Variants in MMP16 observed in about 807,000 individuals in gnomAD.
MMP16 encodes matrix metallopeptidase 16.
In MMP16, 12 loss-of-function variants were observed where a neutral mutation model predicts 67.8. The ratio of observed to expected loss-of-function variants is 0.18; its 90% confidence interval spans 0.11 to 0.29. The LOEUF is 0.29. MMP16 is among the 10% of genes least tolerant of loss of function. The probability of loss-of-function intolerance (pLI) is 1.00; values close to 1 mark genes in which losing one functional copy is unlikely to be tolerated. For missense variants in MMP16, 475 were observed against 765.7 expected, an observed-to-expected ratio of 0.62 and a Z score of 4.48; for synonymous variants, 249 against 255.9, an observed-to-expected ratio of 0.97 and a Z score of 0.26.
chr8:88,248,732 T>C (rs1810159326), intron 1 of MMP16, among the ~76,000 whole-genome samples: 1 of 151,496 alleles, frequency 6.6e-6, no homozygotes, highest in Non-Finnish European at 1.5e-5. Context: ...AAAAAGGAGT[T>C]GTCCTCTAGG....
At chr8:88,213,028 G>A (rs566830940) in intron 1 of MMP16, among the ~76,000 whole-genome samples, 4 of 152,072 alleles carry the variant, frequency 2.6e-5, no homozygotes, top group Non-Finnish European at 5.9e-5. Flanking sequence ...AAATTGAGAG[G>A]CAAAGTTTGG....
At chr8:88,159,258 G>A (rs1436013687) in intron 4 of MMP16, among the ~76,000 whole-genome samples, 1 of 152,170 alleles carries the variant, frequency 6.6e-6, no homozygotes, top group Non-Finnish European at 1.5e-5. Flanking sequence ...ACCTTGGGCA[G>A]TATGGCCATT....
At chr8:88,236,750 A>ATCCCTTTCAAGATTTCTCATGCT (rs1809947320) in intron 1 of MMP16, among the ~76,000 whole-genome samples, 1 of 136,738 alleles carries the variant, frequency 7.3e-6, no homozygotes, top group Non-Finnish European at 1.5e-5. Flanking sequence ...TCTGAAAAAT[A>ATCCCTTTCAAGATTTCTCATGCT]ACAACAACAA....
chr8:88,085,321 A>G (rs1323654139), intron 6 of MMP16, among the ~76,000 whole-genome samples: 4 of 152,072 alleles, frequency 2.6e-5, no homozygotes, highest in Non-Finnish European at 5.9e-5. Context: ...TCAATATTTT[A>G]TAACAAGAGC....
At chr8:88,295,795 A>T (rs901559847) in intron 1 of MMP16, among the ~76,000 whole-genome samples, 2 of 152,180 alleles carry the variant, frequency 1.3e-5, no homozygotes, top group African/African-American at 4.8e-5. Context: ...ATTTCTTAGA[A>T]GATTATAAGT....
chr8:88,144,256 A>G (rs1267017816), intron 4 of MMP16, among the ~76,000 whole-genome samples: 1 of 152,006 alleles, frequency 6.6e-6, no homozygotes, highest in Non-Finnish European at 1.5e-5. Flanking sequence ...TTGATCTAAT[A>G]TTCTATCCAA....
chr8:88,125,115 C>A (rs1807905019), intron 4 of MMP16, among the ~76,000 whole-genome samples: 1 of 151,496 alleles, frequency 6.6e-6, no homozygotes, highest in African/African-American at 2.4e-5. Flanking sequence ...ATTCCTCAGT[C>A]CAATTTGGCT....
intron 1 of MMP16, among the ~76,000 whole-genome samples, chr8:88,216,092 A>G (rs902267548): frequency 6.6e-6 from 1 of 152,226 alleles, no homozygotes; most frequent in Admixed American, 6.5e-5. Flanking sequence ...GTGTTCTTCA[A>G]ACTGTGGTGC....
chr8:88,214,654 T>C (rs1291902986), intron 1 of MMP16, among the ~76,000 whole-genome samples: 1 of 152,202 alleles, frequency 6.6e-6, no homozygotes, highest in African/African-American at 2.4e-5. Flanking sequence ...CATTTAAAAT[T>C]TACTCTCTGA....
chr8:88,106,970 CTCAATT>C (rs1472860728), intron 6 of MMP16, among the ~76,000 whole-genome samples: 1 of 151,242 alleles, frequency 6.6e-6, no homozygotes, highest in Admixed American at 6.6e-5. Flanking sequence ...TTAGAAACAA[CTCAATT>C]TCAAAGTATA....
At chr8:88,105,604 C>T (rs1366595300) in intron 6 of MMP16, among the ~76,000 whole-genome samples, 1 of 151,432 alleles carries the variant, frequency 6.6e-6, no homozygotes, top group East Asian at 1.9e-4. Flanking sequence ...GTTGCCCCAC[C>T]ATCTCCCTGT....
intron 4 of MMP16, among the ~76,000 whole-genome samples, chr8:88,156,083 C>G (rs1212825865): frequency 2.0e-5 from 3 of 152,092 alleles, no homozygotes; most frequent in Non-Finnish European, 4.4e-5. Context: ...TAAATGTGCA[C>G]TTAAATTAGC....
chr8:88,225,310 T>C (rs1282989484), intron 1 of MMP16, among the ~76,000 whole-genome samples: 1 of 152,022 alleles, frequency 6.6e-6, no homozygotes, highest in Admixed American at 6.6e-5. Context: ...ACATTAAAAA[T>C]GCATACAGAC....
chr8:88,167,413 C>A (rs1808732212), intron 4 of MMP16, among the ~76,000 whole-genome samples: 1 of 151,968 alleles, frequency 6.6e-6, no homozygotes, highest in African/African-American at 2.4e-5. Flanking sequence ...GTGAAGAAGA[C>A]AAAACTTACT....
intron 1 of MMP16, among the ~76,000 whole-genome samples, chr8:88,285,958 T>A (rs1810823879): frequency 6.6e-6 from 1 of 152,208 alleles, no homozygotes; most frequent in Admixed American, 6.5e-5. Flanking sequence ...GCCAGCTTCA[T>A]ATCCCATGGT....
At chr8:88,106,478 A>G (rs1809243988) in intron 6 of MMP16, among the ~76,000 whole-genome samples, 1 of 151,306 alleles carries the variant, frequency 6.6e-6, no homozygotes, top group African/African-American at 2.4e-5. Context: ...TTATGTACAC[A>G]GCCTTTGAGT....
rs143207857 is a variant in MMP16 at position 88,181,035 on chromosome 8, T to G, written c.404+5441A>C. Reference sequence around the variant, plus strand: ...AGCAAACTAAGAATAGAGAGAGACTTCTATTTGATGAACAACATCTAGTAA... The same window carrying G: ...AGCAAACTAAGAATAGAGAGAGACTGCTATTTGATGAACAACATCTAGTAA... On this transcript the variant is annotated intron_variant, in intron 3 of 9. Transcript: ENST00000286614. Among the ~76,000 whole-genome samples, 693 of 152,242 alleles carry G rather than the reference T, an allele frequency of 4.6e-3. 5 individuals carry two copies. The highest frequency in any genetic ancestry group is 6.4e-3 in the Non-Finnish European group (436 of 67,980).
At chr8:88,310,133 G>A (rs1811273330) in intron 1 of MMP16, among the ~76,000 whole-genome samples, 2 of 151,656 alleles carry the variant, frequency 1.3e-5, no homozygotes, top group Admixed American at 1.3e-4. Context: ...CTAGAACAAA[G>A]TTATTTTCCT....
chr8:88,179,686 G>T (rs1808948153), intron 3 of MMP16, among the ~76,000 whole-genome samples: 1 of 152,240 alleles, frequency 6.6e-6, no homozygotes, highest in African/African-American at 2.4e-5. Flanking sequence ...AGGGACAGAA[G>T]AATTAAATTA....
Sources: gnomAD v4.1 joint callset for allele counts (sites outside exome capture counted in the v4.1 genomes callset) on GRCh38, gnomAD v4.1.1 for gene constraint, MANE v1.5 for transcripts, NCBI Gene and HGNC (gene_info 2026-07-23, HGNC 2026-07-21) for gene names.